The following ABCD2 variants were observed in gnomAD, a reference collection of about 807,000 sequenced individuals.
ABCD2 encodes the protein ATP binding cassette subfamily D member 2.
A neutral mutation model predicts 70.9 loss-of-function variants in ABCD2; 36 were observed. The observed-to-expected ratio is 0.51, with a 90% CI of 0.39 to 0.67. The LOEUF is 0.67. Ranked by LOEUF, ABCD2 falls within the 30% of genes least tolerant of loss-of-function variation. The pLI, the probability that ABCD2 is intolerant of heterozygous loss-of-function variation, is 0.00. For missense variants in ABCD2, 729 were observed against 890.2 expected (o/e 0.82, Z 2.30); for synonymous variants, 304 against 306.9 (o/e 0.99, Z 0.10).
chr12:39,547,521 G>A (rs569879157), downstream of ABCD2, among the ~76,000 whole-genome samples: 11 of 152,206 alleles, frequency 7.2e-5, no homozygotes, highest in African/African-American at 2.2e-4. Context: ...ACAACATGGG[G>A]GAATCTTGTG....
At chr12:39,609,767 C>T (rs193104844) in intron 2 of ABCD2, among the ~76,000 whole-genome samples, 2 of 152,068 alleles carry the variant, frequency 1.3e-5, no homozygotes, top group African/African-American at 2.4e-5. Context: ...GATATTTTTA[C>T]TTTTTTTGCA....
chr12:39,542,354 T>G, the ABCD2 span, among the ~76,000 whole-genome samples: 7 of 151,726 alleles, frequency 4.6e-5, no homozygotes, highest in South Asian at 1.5e-3. Flanking sequence ...TCCCAGCTAT[T>G]CAGGAGGCTG....
chr12:39,594,517 A>AT (rs1324601829), intron 6 of ABCD2, among the ~76,000 whole-genome samples: 1 of 152,174 alleles, frequency 6.6e-6, no homozygotes, highest in Non-Finnish European at 1.5e-5. Context: ...AATGCATATA[A>AT]TTTTTTAAAA....
At chr12:39,592,319 C>T (rs1941757516) in intron 6 of ABCD2, among the ~76,000 whole-genome samples, 1 of 152,176 alleles carries the variant, frequency 6.6e-6, no homozygotes. Context: ...TTGCAACATA[C>T]CTACTGCAAG....
chr12:39,555,475 T>C (rs2120523783), intron 9 of ABCD2, among the ~76,000 whole-genome samples: 1 of 152,298 alleles, frequency 6.6e-6, no homozygotes, highest in African/African-American at 2.4e-5. Context: ...GAGTTCACAG[T>C]ATCTGGTTAC....
chr12:39,544,752 G>C, the ABCD2 span, among the ~76,000 whole-genome samples: 11 of 152,252 alleles, frequency 7.2e-5, no homozygotes, highest in African/African-American at 2.2e-4. Context: ...AGTGGGAATG[G>C]GAGTGAACCC....
At chr12:39,561,276 C>A (rs926904150) in intron 9 of ABCD2, among the ~76,000 whole-genome samples, 2 of 151,150 alleles carry the variant, frequency 1.3e-5, no homozygotes. Context: ...CCCTGTAATC[C>A]TAGCTACTAA....
chr12:39,549,462 CAA>C (rs1566519380), downstream of ABCD2, among the ~76,000 whole-genome samples: 1 of 151,890 alleles, frequency 6.6e-6, no homozygotes, highest in African/African-American at 2.4e-5. Context: ...CCTAGCATAG[CAA>C]CTGGTACATG....
At chr12:39,616,466 C>G (rs937782324) in intron 2 of ABCD2, among the ~76,000 whole-genome samples, 2 of 152,094 alleles carry the variant, frequency 1.3e-5, no homozygotes, top group Non-Finnish European at 2.9e-5. Flanking sequence ...TATTCACAAG[C>G]AGAGGAGCCC....
the ABCD2 span, among the ~76,000 whole-genome samples, chr12:39,537,934 T>C: frequency 6.6e-6 from 1 of 152,148 alleles, no homozygotes; most frequent in Non-Finnish European, 1.5e-5. Flanking sequence ...TGAATCAGAA[T>C]GAGGCAGGAG....
At chr12:39,559,236 G>T (rs1941215142) in intron 9 of ABCD2, among the ~76,000 whole-genome samples, 1 of 152,038 alleles carries the variant, frequency 6.6e-6, no homozygotes, top group East Asian at 1.9e-4. Flanking sequence ...GCCCAGCGTG[G>T]TGGTGTGTGC....
intron 7 of ABCD2, among the ~76,000 whole-genome samples, chr12:39,582,080 A>G (rs192132510): frequency 1.3e-5 from 2 of 152,336 alleles, no homozygotes; most frequent in African/African-American, 4.8e-5. Flanking sequence ...TAAATAATGC[A>G]CTTGCAAATT....
intron 9 of ABCD2, among the ~76,000 whole-genome samples, chr12:39,560,854 A>T (rs768080300): frequency 6.6e-6 from 1 of 152,156 alleles, no homozygotes; most frequent in Non-Finnish European, 1.5e-5. Flanking sequence ...TAACTATAAG[A>T]TGTTTTTGGT....
chr12:39,616,804 C>G (rs1383961082), intron 2 of ABCD2, among the ~76,000 whole-genome samples, 184 bp downstream of exon 2: 2 of 151,976 alleles, frequency 1.3e-5, no homozygotes, highest in Non-Finnish European at 2.9e-5. Context: ...GTCTTTGAAC[C>G]ACTGTCTCCT....
At chr12:39,575,585 A>C (rs976665761) in intron 8 of ABCD2, among the ~76,000 whole-genome samples, 3 of 152,194 alleles carry the variant, frequency 2.0e-5, no homozygotes, top group Non-Finnish European at 4.4e-5. Context: ...TCTCAAAAAG[A>C]GAATACTATT....
chr12:39,581,909 T>C (rs1196357842), intron 7 of ABCD2, among the ~76,000 whole-genome samples: 1 of 152,190 alleles, frequency 6.6e-6, no homozygotes, highest in African/African-American at 2.4e-5. Context: ...TTCCTAGAGA[T>C]GTATACTCTT....
chr12:39,545,079 C>A (rs1216768468), downstream of ABCD2, among the ~76,000 whole-genome samples: 3 of 152,144 alleles, frequency 2.0e-5, no homozygotes, highest in Admixed American at 6.6e-5. Context: ...TCTTTTGAAG[C>A]ATAATTTTTG....
chr12:39,600,796 T>G, intron 5 of ABCD2, 80 bp from the exon 6 acceptor site: 1 of 1,327,574 alleles, frequency 7.5e-7, no homozygotes, highest in Non-Finnish European at 1.0e-6. Context: ...AATTATTTTT[T>G]TAAAATGTTC....
At chr12:39,562,829 T>C (rs1358525901) in intron 9 of ABCD2, among the ~76,000 whole-genome samples, 2 of 152,116 alleles carry the variant, frequency 1.3e-5, no homozygotes, top group Non-Finnish European at 2.9e-5. Context: ...ATTACCCTGA[T>C]ACTGAAACCA....
Sources: allele counts gnomAD v4.1 joint callset (sites outside exome capture counted in the v4.1 genomes callset), GRCh38; gene constraint gnomAD v4.1.1; transcripts MANE v1.5; gene names NCBI Gene and HGNC (gene_info 2026-07-23, HGNC 2026-07-21).